Variants in LGALS3BP observed in about 807,000 individuals in gnomAD.
LGALS3BP encodes galectin-3-binding protein.
In LGALS3BP, 25 loss-of-function variants were observed where a neutral mutation model predicts 22.9. That is an observed-to-expected ratio of 1.09 (90% confidence interval 0.80 to 1.53). The LOEUF is 1.53. Among genes scored for constraint, LGALS3BP ranks in the 40% most tolerant of loss-of-function variants. The pLI is 0.00. For missense variants in LGALS3BP, 718 were observed against 752.0 expected (o/e 0.95, Z 0.53); for synonymous variants, 335 against 331.1 (o/e 1.01, Z -0.13).
chr17:78,971,920 G>T lies in LGALS3BP; in HGVS notation c.1414C>A (p.Gln472Lys), dbSNP rs772353564. 4 of 1,614,130 alleles carry T rather than the reference G, an allele frequency of 2.5e-6. No individual in the cohort carries two copies. In the Admixed American group the frequency reaches 6.7e-5, roughly 27 times the overall value. ...QTPQHPSFLF[Q>K]DKRVSWSLVY... is the part of the protein sequence containing the mutation. ...AGGGACCAGGACACCCTCTTGTCCT[G>T]GAAGAGGAAGCTGGGGTGTTGTGGA... Residue 472 changes from glutamine (Q) to lysine (K), a missense_variant, in exon 6 of 6, where the codon CAG becomes AAG. Gln to Lys is a moderately conservative substitution (Grantham distance 53). Transcript: ENST00000262776. The surrounding 1 kb of genome is among the most constrained non-coding windows in gnomAD (Gnocchi z 5.6).
Position 78,973,352 on chromosome 17 carries a change from A to C in LGALS3BP, c.377-130T>G. On this transcript the variant is annotated intron_variant, in intron 4 of 5. Coordinates refer to ENST00000262776, the MANE Select transcript of LGALS3BP (RefSeq NM_005567.4). This position sits in a 1 kb window ranked among gnomAD's most constrained non-coding sequence, Gnocchi z 5.8. ...TTCACTCTGGAAGGCTCCTGGGAAG[A>C]CGAGGGACAAGAGAGACCGGAAGTG... 9.0e-7 allele frequency: 1 copy of C among 1,112,048 alleles called. No individual in the cohort carries two copies. Among genetic ancestry groups the C allele is most frequent in the Non-Finnish European group, 1.2e-6 (1 of 806,582 alleles). The allele number at this position is 1,112,048 out of a possible 1,614,324, so 68.9% of individuals were successfully genotyped here. A position where few individuals can be genotyped will look rare whatever the true frequency, so the allele number is the denominator to read the frequency against.
At chr17:78,974,903 G>C in intron 3 of LGALS3BP, 84 bp from the exon 4 acceptor site, 1 of 1,544,410 alleles carries the variant, frequency 6.5e-7, no homozygotes. Flanking sequence ...TTTGTTCTCC[G>C]CCCCGGCCGT....
At chr17:78,977,870 G>C (rs1027234918) in intron 1 of LGALS3BP, among the ~76,000 whole-genome samples, 1 of 152,210 alleles carries the variant, frequency 6.6e-6, no homozygotes, top group South Asian at 2.1e-4. Context: ...GGGCCAGGCT[G>C]GGGGAAGAAC....
chr17:78,974,712 C>T lies in LGALS3BP; in HGVS notation c.352G>A (p.Asp118Asn). The change falls in exon 4 of 6, where the codon GAC becomes AAC. Residue 118 changes from aspartate (D) to asparagine (N), a missense_variant. Transcript: ENST00000262776. ...WLKSNCRHERDAGVVCTNETR... is the reference protein window; with the variant it reads ...WLKSNCRHERNAGVVCTNETR... ...CCATTGGTGCAGACCACACCAGCGT[C>T]TCTCTCGTGCCTGCAGTTGCTCTTC... 1 of 1,613,766 alleles carries T rather than the reference C, an allele frequency of 6.2e-7. No individual in the cohort carries two copies. The highest frequency in any genetic ancestry group is 1.7e-5 in the Admixed American group (1 of 60,030).
At position 78,973,947 on chromosome 17, in the gene LGALS3BP, GCCGTGCGCCCATGGCC is replaced by G. The variant is rs952234555; in HGVS notation, c.376+725_377-726del. 2.0e-5 allele frequency among the ~76,000 whole-genome samples: 3 copies of G among 152,240 alleles called. No homozygotes were observed. Among genetic ancestry groups the G allele is most frequent in the African/African-American group, 7.2e-5 (3 of 41,478 alleles). ...CAGCTCTCCTGCCCCAGGAGCTTTG[GCCGTGCGCCCATGGCC>G]CCGTGTGCTCCCCGCCGCCTCCCCT... On this transcript the variant is annotated intron_variant, in intron 4 of 5. Coordinates refer to ENST00000262776, the MANE Select transcript of LGALS3BP (RefSeq NM_005567.4). This position sits in a 1 kb window ranked among gnomAD's most constrained non-coding sequence, Gnocchi z 5.8.
chr17:78,977,816 G>A (rs1023649718), intron 1 of LGALS3BP, among the ~76,000 whole-genome samples: 1 of 152,134 alleles, frequency 6.6e-6, no homozygotes, highest in East Asian at 1.9e-4. Flanking sequence ...GTGGTGTTCC[G>A]ATGGGGAAGA....
At chr17:78,975,095 T>G (rs988880133) in intron 3 of LGALS3BP, 5 of 445,778 alleles carry the variant, frequency 1.1e-5, no homozygotes, top group South Asian at 8.1e-5. Context: ...GCAACATCAG[T>G]TTCACATACT....
chr17:78,977,044 C>G (rs1301774321), intron 2 of LGALS3BP, 96 bp downstream of exon 2: 3 of 1,326,826 alleles, frequency 2.3e-6, no homozygotes, highest in African/African-American at 1.4e-5. Flanking sequence ...GGGCCCCGGG[C>G]CCCAGGCAGA....
At position 78,972,554 on chromosome 17, in the gene LGALS3BP, G is replaced by T; in HGVS notation, c.780C>A (p.Pro260=). Residue 260 remains proline, a synonymous_variant, in exon 6 of 6, where the codon CCC becomes CCA. Coordinates refer to ENST00000262776, the MANE Select transcript of LGALS3BP (RefSeq NM_005567.4). This position sits in a 1 kb window ranked among gnomAD's most constrained non-coding sequence, Gnocchi z 5.1. ...CCACTGCATAGGCATACAGGTCCAG[G>T]GGCATCTGGAACGAGGGGTCCTGGG... ...LLPQDPSFQM[P]LDLYAYAVAT... 6.2e-7 allele frequency: 1 copy of T among 1,605,666 alleles called. No homozygotes were observed. Among genetic ancestry groups the T allele is most frequent in the Non-Finnish European group, 8.5e-7 (1 of 1,174,038 alleles).
Position 78,972,010 on chromosome 17 carries a change from A to T in LGALS3BP, c.1324T>A (p.Tyr442Asn). The change falls in exon 6 of 6, where the codon TAT (tyrosine) becomes AAT (asparagine). Residue 442 changes from tyrosine to asparagine, a missense_variant. By Grantham distance (143) the Tyr-to-Asn change is moderately radical. Coordinates refer to ENST00000262776, the MANE Select transcript of LGALS3BP (RefSeq NM_005567.4). The surrounding 1 kb of genome is among the most constrained non-coding windows in gnomAD (Gnocchi z 5.1). ...YQSRRGPLVKYSSDYFQAPSD... is the reference protein window; with the variant it reads ...YQSRRGPLVKNSSDYFQAPSD... ...GGGGCTTGGAAGTAATCAGAAGAAT[A>T]TTTGACCAAAGGCCCCCGTCTGGAC... 1 of 1,614,090 alleles carries T rather than the reference A, an allele frequency of 6.2e-7. No individual in the cohort carries two copies. The highest frequency in any genetic ancestry group is 8.5e-7 in the Non-Finnish European group (1 of 1,180,024).
chr17:78,973,235 G>A lies in LGALS3BP; in HGVS notation c.377-13C>T, dbSNP rs1488292628. 7.9e-6 allele frequency: 12 copies of A among 1,510,732 alleles called. No individual in the cohort carries two copies. The highest frequency in any genetic ancestry group is 2.8e-5 in the African/African-American group (2 of 72,198). 93.6% of individuals were successfully genotyped at this position (1,510,732 alleles called of 1,614,324 possible). On this transcript the variant is annotated splice_polypyrimidine_tract_variant and intron_variant, in intron 4 of 5. Transcript: ENST00000262776. The surrounding 1 kb of genome is among the most constrained non-coding windows in gnomAD (Gnocchi z 5.8). ...GTGCTCCTGGTTTCTAAGAAGGGGC[G>A]GGAGGGAAGTGGGCTGCGTTAGGAG...
chr17:78,979,517 G>T (rs2070747217), intron 1 of LGALS3BP: 1 of 152,384 alleles, frequency 6.6e-6, no homozygotes, highest in East Asian at 1.9e-4. Context: ...TTGGGAGGCC[G>T]AGGCGGGTGG....
At position 78,976,817 on chromosome 17, in the gene LGALS3BP, C is replaced by A. The variant is rs2070724696; in HGVS notation, c.52+323G>T. ...AAAGCAGCCAGGACCCTCTGGAAGACTGACCTGCGTCCAAGGCCACTGACC... is the reference window on the plus strand; with the variant it reads ...AAAGCAGCCAGGACCCTCTGGAAGAATGACCTGCGTCCAAGGCCACTGACC... On this transcript the variant is annotated intron_variant, in intron 2 of 5. Coordinates refer to ENST00000262776, the MANE Select transcript of LGALS3BP (RefSeq NM_005567.4). The surrounding 1 kb of genome is among the most constrained non-coding windows in gnomAD (Gnocchi z 4.6). 2.0e-5 allele frequency: 7 copies of A among 358,430 alleles called. No individual in the cohort carries two copies. The highest frequency in any genetic ancestry group is 1.9e-4 in the South Asian group (6 of 31,670). The allele number at this position is 358,430 out of a possible 1,614,324, so 22.2% of individuals were successfully genotyped here.
chr17:78,971,548 G>A lies in LGALS3BP; in HGVS notation c.*28C>T, dbSNP rs1414024367. On this transcript the variant is annotated 3_prime_UTR_variant, in exon 6 of 6. Transcript: ENST00000262776. This position sits in a 1 kb window ranked among gnomAD's most constrained non-coding sequence, Gnocchi z 5.6. ...CAGTGAGGGCGTCCTGGGGTTCTCC[G>A]GTTCTCACCACCCTTGGGCCACGCC... 10 of 1,592,232 alleles carry A rather than the reference G, an allele frequency of 6.3e-6. No homozygotes were observed. In the East Asian group the frequency reaches 6.7e-5, roughly 11 times the overall value.
intron 1 of LGALS3BP, among the ~76,000 whole-genome samples, chr17:78,978,934 G>T (rs1489359290): frequency 1.3e-5 from 2 of 152,110 alleles, no homozygotes. Context: ...AATAAGCTGG[G>T]CATGGTGGTG....
chr17:78,974,911 C>A (rs2070707363), intron 3 of LGALS3BP, 92 bp from the exon 4 acceptor site: 1 of 1,511,692 alleles, frequency 6.6e-7, no homozygotes, highest in Non-Finnish European at 9.0e-7. Context: ...CCGCCCCGGC[C>A]GTGTGGGTCC....
chr17:78,979,778 G>A (rs995208599), intron 1 of LGALS3BP, 46 bp downstream of exon 1: 10 of 151,676 alleles, frequency 6.6e-5, no homozygotes, highest in Admixed American at 3.3e-4. Flanking sequence ...AAAAGAGAGA[G>A]AGACTGAGAG....
rs940002593 is a variant in LGALS3BP, at chr17:78,978,642, T to G, written c.-24+1182A>C. Among the ~76,000 whole-genome samples, 5 of 152,328 alleles carry G rather than the reference T, an allele frequency of 3.3e-5. No individual in the cohort carries two copies. The East Asian group carries it at 7.7e-4, about 24-fold the overall frequency. Reference sequence around the variant, plus strand: ...TTAGCACTGAAGTTTCCCTGTGTCCTGGGAAACCCCTCAGTCCCAGGCACG... The same window carrying G: ...TTAGCACTGAAGTTTCCCTGTGTCCGGGGAAACCCCTCAGTCCCAGGCACG... On this transcript the variant is annotated intron_variant, in intron 1 of 5. Coordinates refer to ENST00000262776, the MANE Select transcript of LGALS3BP (RefSeq NM_005567.4).
intron 1 of LGALS3BP, among the ~76,000 whole-genome samples, chr17:78,978,179 T>C (rs956663651): frequency 6.6e-6 from 1 of 152,160 alleles, no homozygotes. Flanking sequence ...TTGAGGCTGC[T>C]TGGAGGGGGC....
Sources: allele counts gnomAD v4.1 joint callset (sites outside exome capture counted in the v4.1 genomes callset), GRCh38; gene constraint gnomAD v4.1.1; non-coding constraint Gnocchi (gnomAD v3.1); transcripts MANE v1.5; gene names NCBI Gene and HGNC (gene_info 2026-07-23, HGNC 2026-07-21).